ABR: variants seen among roughly 807,000 people sequenced by gnomAD.
The protein encoded by ABR is ABR activator of RhoGEF and GTPase, also known as active breakpoint cluster region-related protein.
A neutral mutation model predicts 107.2 loss-of-function variants in ABR; 35 were observed. That is an observed-to-expected ratio of 0.33 (90% CI 0.25 to 0.43). ABR has a LOEUF of 0.43. ABR is among the 20% of genes least tolerant of loss of function. The pLI is 1.00. For synonymous variants in ABR, 498 were observed against 462.0 expected, an observed-to-expected ratio of 1.08 and a Z score of -1.00; for missense variants, 815 against 1,115.2, an observed-to-expected ratio of 0.73 and a Z score of 3.83.
At chr17:1,216,731 C>T (rs552954168) in intron 1 of ABR, among the ~76,000 whole-genome samples, 1 of 152,336 alleles carries the variant, frequency 6.6e-6, no homozygotes, top group South Asian at 2.1e-4. Context: ...TGTCCTCTGC[C>T]TGTCTAAAGA....
At chr17:1,113,693 C>T (rs544687360) in intron 2 of ABR, among the ~76,000 whole-genome samples, 9 of 152,334 alleles carry the variant, frequency 5.9e-5, no homozygotes, top group African/African-American at 1.9e-4. Context: ...TCAGAGCCCA[C>T]TCTACGTTCC....
chr17:1,012,920 TCAACA>T lies in ABR; in HGVS notation c.1852-128_1852-124del. 3 of 1,071,936 alleles carry T rather than the reference TCAACA, an allele frequency of 2.8e-6. No homozygotes were observed. In the South Asian group the frequency reaches 4.0e-5, roughly 14 times the overall value. 66.4% of individuals were successfully genotyped at this position (1,071,936 alleles called of 1,614,324 possible). A position where few individuals can be genotyped will look rare whatever the true frequency, so the allele number is the denominator to read the frequency against. ...GGGCTAGCTCACACCCAGGTCTCCCTCAACACAACACCTGCAGGACAGCAGCGGGC... is the reference window on the plus strand; with the variant it reads ...GGGCTAGCTCACACCCAGGTCTCCCTCAACACCTGCAGGACAGCAGCGGGC... On this transcript the variant is annotated intron_variant, in intron 17 of 22. Transcript: ENST00000302538.
intron 10 of ABR, 115 bp from the exon 11 acceptor site, chr17:1,058,982 G>T (rs1036731472): frequency 2.4e-5 from 35 of 1,458,086 alleles, no homozygotes; most frequent in Non-Finnish European, 3.1e-5. Context: ...TCCGTATTTC[G>T]TGATGTTTTG....
chr17:1,097,285 A>T (rs1357318919), intron 3 of ABR, among the ~76,000 whole-genome samples: 1 of 152,158 alleles, frequency 6.6e-6, no homozygotes, highest in African/African-American at 2.4e-5. Flanking sequence ...ACGAACACTC[A>T]GGCTGTGTTC....
At chr17:1,012,112 A>G (rs765500686) in intron 18 of ABR, 127 bp from the exon 19 acceptor site, 22 of 1,487,364 alleles carry the variant, frequency 1.5e-5, no homozygotes, top group African/African-American at 1.2e-4. Context: ...GGGCGGGGGC[A>G]GGGGCAGGGC....
chr17:1,206,978 G>C (rs930347347), intron 1 of ABR, among the ~76,000 whole-genome samples: 1 of 152,000 alleles, frequency 6.6e-6, no homozygotes, highest in East Asian at 1.9e-4. Context: ...CCAGCTACTC[G>C]GGAGCTGAGG....
At chr17:1,044,600 A>C (rs733789) in intron 16 of ABR, among the ~76,000 whole-genome samples, 1 of 150,636 alleles carries the variant, frequency 6.6e-6, no homozygotes, top group Middle Eastern at 3.4e-3. Flanking sequence ...GCAGTGAGCC[A>C]AGATTGCGCC....
At chr17:1,216,508 T>C (rs1289890638) in intron 1 of ABR, among the ~76,000 whole-genome samples, 1 of 152,242 alleles carries the variant, frequency 6.6e-6, no homozygotes, top group Non-Finnish European at 1.5e-5. Context: ...AAGGGGCCCG[T>C]CGGCTCTAAC....
rs1423890390 is a variant in ABR at position 1,054,495 on chromosome 17, A to G, written c.1561+1540T>C. On this transcript the variant is annotated intron_variant, in intron 14 of 22. Coordinates refer to ENST00000302538, the MANE Select transcript of ABR (RefSeq NM_021962.5). Reference sequence around the variant, plus strand: ...AGGGGATGGGGGCACAAGGAACCTCAAAGGGATGGGGATACAAGGAACCTC... The same window carrying G: ...AGGGGATGGGGGCACAAGGAACCTCGAAGGGATGGGGATACAAGGAACCTC... 2.6e-3 allele frequency among the ~76,000 whole-genome samples: 370 copies of G among 142,158 alleles called. 9 individuals are homozygous for G. The highest frequency in any genetic ancestry group is 0.01 in the African/African-American group (350 of 33,818). 93.3% of individuals were successfully genotyped at this position (142,158 alleles called of 152,430 possible).
intron 2 of ABR, among the ~76,000 whole-genome samples, chr17:1,103,271 G>A (rs763399441): frequency 7.2e-5 from 11 of 151,930 alleles, no homozygotes; most frequent in Non-Finnish European, 1.2e-4. Flanking sequence ...CCAGAGGCCT[G>A]CACAGCCTCC....
Position 1,004,655 on chromosome 17 carries a change from C to T in ABR, c.*1425G>A, listed in dbSNP as rs1250054867. 2.8e-5 allele frequency: 5 copies of T among 180,188 alleles called. No individual in the cohort carries two copies. The highest frequency in any genetic ancestry group is 2.7e-4 in the East Asian group (2 of 7,414). 11.2% of individuals were successfully genotyped at this position (180,188 alleles called of 1,614,324 possible). On this transcript the variant is annotated 3_prime_UTR_variant, in exon 23 of 23. Transcript: ENST00000302538. ...CACTCCTTCCTAGTACCGGGCAATG[C>T]GTCTGCAAGTCGGGTCCCTGCTCCC...
chr17:1,031,747 G>A, intron 16 of ABR: 5 of 1,237,476 alleles, frequency 4.0e-6, no homozygotes, highest in African/African-American at 1.6e-5. Context: ...GTCATGCCGG[G>A]GGGGACGGGA....
intron 10 of ABR, among the ~76,000 whole-genome samples, chr17:1,065,680 A>C (rs1371898155): frequency 6.6e-6 from 1 of 151,474 alleles, no homozygotes; most frequent in East Asian, 1.9e-4. Context: ...AACAGTTTGC[A>C]GTTCTCATTT....
chr17:1,137,054 C>T (rs2040101308), intron 1 of ABR, among the ~76,000 whole-genome samples: 2 of 148,572 alleles, frequency 1.3e-5, no homozygotes, highest in South Asian at 4.2e-4. Context: ...CTCTCTCCCT[C>T]TTTCTTTCTT....
At chr17:1,052,335 G>C (rs1445876714) in intron 14 of ABR, among the ~76,000 whole-genome samples, 1 of 151,664 alleles carries the variant, frequency 6.6e-6, no homozygotes, top group Non-Finnish European at 1.5e-5. Flanking sequence ...TCCTCGAGGG[G>C]CTGGGGAGGG....
chr17:1,124,416 C>T (rs1171635327), intron 2 of ABR, among the ~76,000 whole-genome samples: 4 of 152,142 alleles, frequency 2.6e-5, no homozygotes, highest in South Asian at 2.1e-4. Flanking sequence ...CACAGAGGAC[C>T]GGCTTGGATT....
intron 18 of ABR, chr17:1,012,421 C>G: frequency 4.4e-6 from 3 of 681,476 alleles, no homozygotes; most frequent in Non-Finnish European, 8.1e-6. Flanking sequence ...CCCCGGCTGA[C>G]AGAGCTTCCC....
chr17:1,066,434 C>G (rs1168497897), intron 10 of ABR, among the ~76,000 whole-genome samples: 5 of 152,138 alleles, frequency 3.3e-5, no homozygotes, highest in African/African-American at 1.2e-4. Flanking sequence ...CTTGATCTGT[C>G]AGTTTCTGAG....
At chr17:1,020,104 G>A (rs1289281945) in intron 16 of ABR, among the ~76,000 whole-genome samples, 1 of 151,296 alleles carries the variant, frequency 6.6e-6, no homozygotes, top group East Asian at 1.9e-4. Context: ...TTTTTTTTGA[G>A]ACGGAGTCGC....
Sources: gnomAD v4.1 joint callset for allele counts (sites outside exome capture counted in the v4.1 genomes callset) on GRCh38, gnomAD v4.1.1 for gene constraint, MANE v1.5 for transcripts, NCBI Gene and HGNC (gene_info 2026-07-23, HGNC 2026-07-21) for gene names.